SEL1L: variants seen among roughly 807,000 people sequenced by gnomAD.
SEL1L encodes protein sel-1 homolog 1.
A neutral mutation model predicts 109.8 loss-of-function variants in SEL1L; 52 were observed. That is an observed-to-expected ratio of 0.47 (90% CI 0.38 to 0.60). SEL1L has a LOEUF of 0.60. Ranked by LOEUF, SEL1L falls within the 20% of genes least tolerant of loss-of-function variation. The pLI is 0.00. For missense variants in SEL1L, 749 were observed against 962.2 expected (o/e 0.78, Z 2.93); for synonymous variants, 373 against 339.6 (o/e 1.10, Z -1.08).
chr14:81,505,006 T>C (rs1595521134), intron 4 of SEL1L, among the ~76,000 whole-genome samples: 1 of 152,262 alleles, frequency 6.6e-6, no homozygotes, highest in East Asian at 1.9e-4. Flanking sequence ...TTAATAAATT[T>C]CCCAGTCTCA....
chr14:81,490,761 C>T (rs1193239123), intron 12 of SEL1L, among the ~76,000 whole-genome samples: 2 of 152,028 alleles, frequency 1.3e-5, no homozygotes, highest in Non-Finnish European at 1.5e-5. Context: ...ATTAGCCAGG[C>T]GTGGTGGCGT....
chr14:81,501,364 T>C (rs934514571), intron 6 of SEL1L, among the ~76,000 whole-genome samples: 1 of 152,140 alleles, frequency 6.6e-6, no homozygotes, highest in Non-Finnish European at 1.5e-5. Flanking sequence ...AAGGTTCTAA[T>C]ATTAGAGGGA....
At chr14:81,492,137 G>A (rs1247882199) in intron 12 of SEL1L, among the ~76,000 whole-genome samples, 1 of 151,754 alleles carries the variant, frequency 6.6e-6, no homozygotes, top group Non-Finnish European at 1.5e-5. Flanking sequence ...GACTACAGGC[G>A]CCCACCACCA....
At chr14:81,479,768 C>T (rs1422075787) in intron 19 of SEL1L, 28 bp from the exon 20 acceptor site, 2 of 1,552,544 alleles carry the variant, frequency 1.3e-6, no homozygotes, top group Non-Finnish European at 1.7e-6. Context: ...AACAAAAATG[C>T]ATTTCTTGTC....
chr14:81,488,251 A>T (rs184440448), intron 14 of SEL1L, among the ~76,000 whole-genome samples: 1 of 152,208 alleles, frequency 6.6e-6, no homozygotes, highest in Non-Finnish European at 1.5e-5. Flanking sequence ...TCTGCTAACC[A>T]ATCAACCCTT....
At chr14:81,495,230 G>T in intron 10 of SEL1L, 93 bp from the exon 11 acceptor site, 1 of 1,151,996 alleles carries the variant, frequency 8.7e-7, no homozygotes, top group Non-Finnish European at 1.3e-6. Flanking sequence ...TCGTAAAATG[G>T]CTTCTGTTCA....
chr14:81,487,052 C>T (rs1903543776), intron 16 of SEL1L, among the ~76,000 whole-genome samples: 1 of 151,446 alleles, frequency 6.6e-6, no homozygotes, highest in African/African-American at 2.4e-5. Context: ...CCTTCATCCA[C>T]CTCAACCTCC....
At chr14:81,486,177 T>C in intron 17 of SEL1L, 112 bp downstream of exon 17, 1 of 1,065,630 alleles carries the variant, frequency 9.4e-7, no homozygotes, top group Admixed American at 2.3e-5. Context: ...TCAGTTCCAG[T>C]TACAATAATA....
intron 18 of SEL1L, chr14:81,484,601 T>C (rs1162314909): frequency 2.1e-6 from 1 of 474,946 alleles, no homozygotes; most frequent in Middle Eastern, 6.0e-4. Context: ...GCAGAAGGCT[T>C]TGGAATACAG....
chr14:81,484,126 TC>T, intron 19 of SEL1L, 98 bp downstream of exon 19: 1 of 1,283,116 alleles, frequency 7.8e-7, no homozygotes. Context: ...TGGCCTGAAA[TC>T]CAACTGAATG....
intron 2 of SEL1L, among the ~76,000 whole-genome samples, chr14:81,527,401 A>G (rs1885153571): frequency 6.6e-6 from 1 of 151,348 alleles, no homozygotes; most frequent in Non-Finnish European, 1.5e-5. Flanking sequence ...GAGAACTGGA[A>G]AGTGGAAACA....
intron 20 of SEL1L, 108 bp downstream of exon 20, chr14:81,479,504 T>A (rs1246518361): frequency 8.9e-7 from 1 of 1,128,364 alleles, no homozygotes. Context: ...ACACACCCGA[T>A]ACCTGCAGGA....
intron 19 of SEL1L, among the ~76,000 whole-genome samples, chr14:81,480,966 A>AC (rs1903337515): frequency 6.6e-6 from 1 of 151,646 alleles, no homozygotes; most frequent in Admixed American, 6.6e-5. Context: ...GAAGAGATCT[A>AC]CCCCACTCTT....
At chr14:81,492,578 A>G in intron 11 of SEL1L, 30 bp from the exon 12 acceptor site, 1 of 1,419,324 alleles carries the variant, frequency 7.0e-7, no homozygotes. Context: ...TAAAATAATT[A>G]GTTTTTAACA....
intron 1 of SEL1L, among the ~76,000 whole-genome samples, chr14:81,530,528 A>G (rs749380489): frequency 6.6e-6 from 1 of 152,190 alleles, no homozygotes; most frequent in African/African-American, 2.4e-5. Context: ...CTGGCAGTGG[A>G]CCTAACTAAA....
intron 3 of SEL1L, among the ~76,000 whole-genome samples, chr14:81,510,544 T>C (rs1884437938): frequency 7.2e-6 from 1 of 139,822 alleles, no homozygotes. Flanking sequence ...AATTAAAGGC[T>C]AGGGGAATAT....
chr14:81,499,525 A>C lies in SEL1L; in HGVS notation c.832-7T>G, dbSNP rs188300908. 102 of 1,610,928 alleles carry C rather than the reference A, an allele frequency of 6.3e-5. No homozygotes were observed. The highest frequency in any genetic ancestry group is 8.5e-7 in the Non-Finnish European group (1 of 1,179,206). On this transcript the variant is annotated splice_region_variant and splice_polypyrimidine_tract_variant and intron_variant, in intron 7 of 20. Coordinates refer to ENST00000336735, the MANE Select transcript of SEL1L (RefSeq NM_005065.6). Reference sequence around the variant, plus strand: ...ATGTATAATATACAAGAGCCTGTGAAAGAACAAAACATGTTTAACTGAACA... The same window carrying C: ...ATGTATAATATACAAGAGCCTGTGACAGAACAAAACATGTTTAACTGAACA...
At chr14:81,509,516 C>A (rs1202232864) in intron 3 of SEL1L, among the ~76,000 whole-genome samples, 3 of 152,106 alleles carry the variant, frequency 2.0e-5, no homozygotes, top group Admixed American at 6.5e-5. Context: ...TCTATTTAGA[C>A]CTCAAGAGGA....
chr14:81,478,371 C>G (rs1903236456), intron 20 of SEL1L, among the ~76,000 whole-genome samples: 1 of 151,886 alleles, frequency 6.6e-6, no homozygotes, highest in Non-Finnish European at 1.5e-5. Flanking sequence ...GTTGGAATAA[C>G]TAGGTGGTAG....
Sources: gnomAD v4.1 joint callset for allele counts (sites outside exome capture counted in the v4.1 genomes callset) on GRCh38, gnomAD v4.1.1 for gene constraint, MANE v1.5 for transcripts, NCBI Gene and HGNC (gene_info 2026-07-23, HGNC 2026-07-21) for gene names.